Variants in FOXP2 observed in about 807,000 individuals in gnomAD.
The protein encoded by FOXP2 is forkhead box P2.
Under a neutral mutation model 115.8 loss-of-function variants are expected in FOXP2, and 12 were observed. That is an observed-to-expected ratio of 0.10 (90% CI 0.07 to 0.17). FOXP2 has a LOEUF of 0.17. Among genes scored for constraint, FOXP2 ranks in the 10% least tolerant of loss-of-function variants. The pLI is 1.00. For synonymous variants in FOXP2, 328 were observed against 297.7 expected (o/e 1.10, Z -1.05); for missense variants, 629 against 843.5 (o/e 0.75, Z 3.15).
intron 1 of FOXP2, among the ~76,000 whole-genome samples, chr7:114,145,515 T>C (rs1792348020): frequency 6.8e-6 from 1 of 146,712 alleles, no homozygotes; most frequent in African/African-American, 2.5e-5. Context: ...TGAGATGGAG[T>C]TTTGCTTTTG....
In FOXP2 at chr7:114,502,250, A is replaced by G. The variant is rs58201973; in HGVS notation, c.169-32367A>G. ...AAAAGGAAATTTTGTTCTTTTATGA[A>G]TATTCCATATATATGCATTCATTAA... On this transcript the variant is annotated intron_variant, in intron 2 of 16. Coordinates refer to ENST00000350908, the MANE Select transcript of FOXP2 (RefSeq NM_014491.4). 2.6e-4 allele frequency among the ~76,000 whole-genome samples: 40 copies of G among 152,198 alleles called. 1 individual carries two copies. Among genetic ancestry groups the G allele is most frequent in the African/African-American group, 9.6e-4 (40 of 41,570 alleles).
chr7:114,339,037 T>A (rs1791129327), intron 2 of FOXP2, among the ~76,000 whole-genome samples: 1 of 151,134 alleles, frequency 6.6e-6, no homozygotes, highest in Non-Finnish European at 1.5e-5. Context: ...TAGTTCTGCA[T>A]CTTTCTAAAC....
chr7:114,123,876 T>C (rs1791632007), intron 1 of FOXP2, among the ~76,000 whole-genome samples: 1 of 152,112 alleles, frequency 6.6e-6, no homozygotes, highest in Admixed American at 6.6e-5. Flanking sequence ...AATTTTGACA[T>C]TTTGTTAAGC....
intron 2 of FOXP2, among the ~76,000 whole-genome samples, chr7:114,458,536 A>ATTTTCTT (rs1795419556): frequency 7.8e-6 from 1 of 128,280 alleles, no homozygotes; most frequent in South Asian, 2.4e-4. Flanking sequence ...TAACTATGAT[A>ATTTTCTT]TTTTCTTTTC....
chr7:114,297,794 A>G (rs1325621347), intron 2 of FOXP2, among the ~76,000 whole-genome samples: 1 of 152,192 alleles, frequency 6.6e-6, no homozygotes, highest in South Asian at 2.1e-4. Context: ...AACATGCTCC[A>G]TGTTCCCTTG....
chr7:114,644,820 CG>C (rs1805785216), intron 8 of FOXP2, 31 bp downstream of exon 8: 2 of 1,484,032 alleles, frequency 1.3e-6, no homozygotes, highest in Non-Finnish European at 1.9e-6. Flanking sequence ...TGGTGGGGGG[CG>C]GGGGCTGGAT....
chr7:114,590,500 G>C (rs1425574005), intron 3 of FOXP2, among the ~76,000 whole-genome samples: 2 of 152,094 alleles, frequency 1.3e-5, no homozygotes, highest in Non-Finnish European at 2.9e-5. Context: ...CTGCCTAGGG[G>C]TTCCTGTATT....
At chr7:114,511,619 G>T (rs1189027922) in intron 2 of FOXP2, among the ~76,000 whole-genome samples, 1 of 151,962 alleles carries the variant, frequency 6.6e-6, no homozygotes, top group Admixed American at 6.6e-5. Context: ...TAGGGAGGAG[G>T]TAATGGCTAG....
chr7:114,441,438 G>A (rs1794601333), intron 2 of FOXP2, among the ~76,000 whole-genome samples: 1 of 151,922 alleles, frequency 6.6e-6, no homozygotes, highest in African/African-American at 2.4e-5. Context: ...GGGTGACAGA[G>A]GGAGACTCCA....
intron 2 of FOXP2, among the ~76,000 whole-genome samples, chr7:114,385,456 T>C (rs886236545): frequency 1.3e-5 from 2 of 152,144 alleles, no homozygotes; most frequent in Non-Finnish European, 2.9e-5. Flanking sequence ...TGTGCCATGA[T>C]CTCAGCCGGC....
chr7:114,201,158 A>T (rs1794052414), intron 1 of FOXP2, among the ~76,000 whole-genome samples: 1 of 152,106 alleles, frequency 6.6e-6, no homozygotes, highest in Admixed American at 6.5e-5. Flanking sequence ...CTCCATCTCA[A>T]AAATAAATAA....
At chr7:114,628,077 G>C (rs891475810) in intron 3 of FOXP2, among the ~76,000 whole-genome samples, 7 of 151,916 alleles carry the variant, frequency 4.6e-5, no homozygotes, top group African/African-American at 1.7e-4. Context: ...TAAGTATACT[G>C]TATACATGCT....
At chr7:114,218,955 G>C (rs1010402129) in intron 1 of FOXP2, among the ~76,000 whole-genome samples, 1 of 152,046 alleles carries the variant, frequency 6.6e-6, no homozygotes, top group Admixed American at 6.6e-5. Flanking sequence ...TATATTTACT[G>C]CCTAATGGAG....
At chr7:114,239,877 C>G (rs1795108469) in intron 1 of FOXP2, among the ~76,000 whole-genome samples, 2 of 152,098 alleles carry the variant, frequency 1.3e-5, no homozygotes, top group Admixed American at 6.6e-5. Context: ...CAAATGTATT[C>G]TGTGATGTTT....
At chr7:114,452,304 C>T (rs1436217306) in intron 2 of FOXP2, among the ~76,000 whole-genome samples, 4 of 151,980 alleles carry the variant, frequency 2.6e-5, no homozygotes, top group Non-Finnish European at 5.9e-5. Context: ...AAGTGACACA[C>T]TGGATTAGCC....
intron 3 of FOXP2, among the ~76,000 whole-genome samples, chr7:114,548,839 C>G (rs1251950386): frequency 6.6e-6 from 1 of 152,028 alleles, no homozygotes; most frequent in Non-Finnish European, 1.5e-5. Flanking sequence ...GAAACGTTTG[C>G]ATATTTTGCA....
intron 1 of FOXP2, among the ~76,000 whole-genome samples, chr7:114,190,737 C>G (rs1392176215): frequency 6.6e-6 from 1 of 151,622 alleles, no homozygotes; most frequent in African/African-American, 2.4e-5. Flanking sequence ...TTTTACCACT[C>G]TCTCTTTCTT....
At chr7:114,682,069 C>T (rs13226763) in intron 16 of FOXP2, among the ~76,000 whole-genome samples, 48,519 of 151,962 alleles carry the variant, frequency 0.32, 9,616 homozygotes, top group Non-Finnish European at 0.45. Flanking sequence ...TACATATATG[C>T]AAAATAATTT....
At chr7:114,344,282 G>T (rs2129184747) in intron 2 of FOXP2, among the ~76,000 whole-genome samples, 1 of 151,848 alleles carries the variant, frequency 6.6e-6, no homozygotes, top group African/African-American at 2.4e-5. Context: ...AAGTGGGGTA[G>T]TAGAAAAACC....
Sources: allele counts gnomAD v4.1 joint callset (sites outside exome capture counted in the v4.1 genomes callset), GRCh38; gene constraint gnomAD v4.1.1; transcripts MANE v1.5; gene names NCBI Gene and HGNC (gene_info 2026-07-23, HGNC 2026-07-21).